Variants in MYOT observed in about 807,000 individuals in gnomAD.
The protein encoded by MYOT is 57 kDa cytoskeletal protein.
Under a neutral mutation model 58.0 loss-of-function variants are expected in MYOT, and 36 were observed. The observed-to-expected ratio is 0.62, with a 90% confidence interval of 0.48 to 0.82. The LOEUF is 0.82. Among genes scored for constraint, MYOT ranks in the 40% least tolerant of loss-of-function variants. MYOT has a pLI of 0.00. For synonymous variants in MYOT, 218 were observed against 204.6 expected, an observed-to-expected ratio of 1.07 and a Z score of -0.56; for missense variants, 505 against 592.1, an observed-to-expected ratio of 0.85 and a Z score of 1.53.
rs1001559945 is a variant in MYOT at position 137,870,586 on chromosome 5, C to T, written c.-66C>T. Reference sequence around the variant, plus strand: ...AGGCTTGTGGCCCCAAATTCAGGGCCCCACCCTTCCAGGAACAAATCATTA... The same window carrying T: ...AGGCTTGTGGCCCCAAATTCAGGGCTCCACCCTTCCAGGAACAAATCATTA... On this transcript the variant is annotated 5_prime_UTR_variant, in exon 2 of 10. Transcript: ENST00000239926. 1.4e-6 allele frequency: 2 copies of T among 1,451,846 alleles called. No individual in the cohort carries two copies. Among genetic ancestry groups the T allele is most frequent in the Non-Finnish European group, 1.9e-6 (2 of 1,032,526 alleles). The allele number at this position is 1,451,846 out of a possible 1,614,324, so 89.9% of individuals were successfully genotyped here.
At chr5:137,877,170 C>T (rs552803788) in intron 3 of MYOT, among the ~76,000 whole-genome samples, 1 of 151,674 alleles carries the variant, frequency 6.6e-6, no homozygotes, top group Admixed American at 6.6e-5. Flanking sequence ...AGATCAAGAC[C>T]ATCCTGGCTG....
rs748726301 is a variant in MYOT, at chr5:137,875,876, A to C, written c.404A>C (p.Gln135Pro). 2.5e-6 allele frequency: 4 copies of C among 1,614,120 alleles called. No individual in the cohort carries two copies. The highest frequency in any genetic ancestry group is 3.4e-6 in the Non-Finnish European group (4 of 1,179,992). Reference protein sequence around the residue: ...AGQPINAKPSQTANAKPIPRT... With the variant: ...AGQPINAKPSPTANAKPIPRT... ...CAACCTATAAATGCAAAGCCATCCC[A>C]AACTGCAAATGCTAAGCCCATACCA... Residue 135 changes from glutamine to proline, a missense_variant, in exon 3 of 10, where the codon CAA (glutamine) becomes CCA (proline). Gln to Pro is a moderately conservative substitution (Grantham distance 76). Coordinates refer to ENST00000239926, the MANE Select transcript of MYOT (RefSeq NM_006790.3).
intron 2 of MYOT, among the ~76,000 whole-genome samples, chr5:137,874,085 G>C (rs537473088): frequency 2.0e-5 from 3 of 152,172 alleles, no homozygotes; most frequent in Non-Finnish European, 4.4e-5. Flanking sequence ...GTCTCATCTG[G>C]ATAGCCAGAG....
At chr5:137,882,166 A>G in intron 6 of MYOT, 61 bp downstream of exon 6, 1 of 1,580,382 alleles carries the variant, frequency 6.3e-7, no homozygotes, top group Non-Finnish European at 8.7e-7. Flanking sequence ...AGTTTTGAAA[A>G]ATGTTCTTTT....
intron 5 of MYOT, 57 bp from the exon 6 acceptor site, chr5:137,881,916 C>T: frequency 6.3e-7 from 1 of 1,589,992 alleles, no homozygotes. Flanking sequence ...TATATTTGTG[C>T]AAAATGAAAA....
At chr5:137,880,778 A>G (rs776296887) in intron 4 of MYOT, 38 bp from the exon 5 acceptor site, 1 of 1,543,746 alleles carries the variant, frequency 6.5e-7, no homozygotes, top group Non-Finnish European at 9.0e-7. Context: ...CAAGCTAACA[A>G]TTGCATGTAA....
rs531198401 is a variant in MYOT at position 137,887,443 on chromosome 5, A to AT, written c.*65dup. ...CACCATTAGTAATATATTTGATTAC[A>AT]TTTTTTTGAAATTAATCCATAGCTG... On this transcript the variant is annotated 3_prime_UTR_variant, in exon 10 of 10. Coordinates refer to ENST00000239926, the MANE Select transcript of MYOT (RefSeq NM_006790.3). 3.6e-4 allele frequency: 563 copies of AT among 1,557,960 alleles called. 3 individuals are homozygous for AT. In the African/African-American group the frequency reaches 6.7e-3, roughly 19 times the overall value.
chr5:137,884,360 T>C (rs897777565), intron 7 of MYOT, among the ~76,000 whole-genome samples: 15 of 152,072 alleles, frequency 9.9e-5, no homozygotes, highest in Middle Eastern at 3.2e-3. Flanking sequence ...TTTAAAAAAA[T>C]TTCTTAAAAA....
Position 137,887,547 on chromosome 5 carries a change from A to G in MYOT, c.*162A>G. The G allele has an allele frequency of 2.2e-6, 1 of 446,276 alleles. No homozygotes were observed. The allele number at this position is 446,276 out of a possible 1,614,324, so 27.6% of individuals were successfully genotyped here. ...ATTATTTATCCTTTGACTCTTGCAC[A>G]TTCTATGTACCCCTCCGATTTGTGA... On this transcript the variant is annotated 3_prime_UTR_variant, in exon 10 of 10. Coordinates refer to ENST00000239926, the MANE Select transcript of MYOT (RefSeq NM_006790.3).
rs1034346969 is a variant in MYOT, at chr5:137,886,940, G to A, written c.1267G>A (p.Val423Met). 2 of 1,611,634 alleles carry A rather than the reference G, an allele frequency of 1.2e-6. No individual in the cohort carries two copies. Residue 423 changes from valine to methionine, a missense_variant, in exon 9 of 10, where the codon GTG becomes ATG. Transcript: ENST00000239926. ...VNKKDAGWYTVSAVNEAGVTT... is the reference protein window; with the variant it reads ...VNKKDAGWYTMSAVNEAGVTT... ...CAAGAAAGATGCTGGGTGGTATACTGTGTCAGCAGTTAATGAAGCTGGAGT... is the reference window on the plus strand; with the variant it reads ...CAAGAAAGATGCTGGGTGGTATACTATGTCAGCAGTTAATGAAGCTGGAGT...
At chr5:137,883,741 C>T in intron 7 of MYOT, 150 bp downstream of exon 7, 1 of 684,796 alleles carries the variant, frequency 1.5e-6, no homozygotes, top group Non-Finnish European at 2.5e-6. Context: ...CTACAAACCA[C>T]AGGAAAAAAT....
intron 4 of MYOT, among the ~76,000 whole-genome samples, chr5:137,878,109 C>CA (rs3836898): frequency 0.023 from 3,487 of 150,136 alleles, 130 homozygotes; most frequent in African/African-American, 0.079. Context: ...TTCTGAAAAC[C>CA]AAAAAAAACC....
chr5:137,868,025 A>C (rs369957266), intron 1 of MYOT, 72 bp downstream of exon 1: 1 of 152,336 alleles, frequency 6.6e-6, no homozygotes, highest in East Asian at 1.9e-4. Context: ...AGATGAGTGT[A>C]TACAAAGATG....
Position 137,867,949 on chromosome 5 carries a change from T to C in MYOT, c.-216T>C, listed in dbSNP as rs1363303874. The C allele has an allele frequency of 6.6e-6, 1 of 152,236 alleles. No individual in the cohort carries two copies. Among genetic ancestry groups the C allele is most frequent in the Non-Finnish European group, 1.5e-5 (1 of 68,048 alleles). 9.4% of individuals were successfully genotyped at this position (152,236 alleles called of 1,614,324 possible). ...AAACCCAGCTGGCACCCTCTGGAAC[T>C]ACGGGTAAGTCCCTTCTTTATTCCT... On this transcript the variant is annotated 5_prime_UTR_variant, in exon 1 of 10. Transcript: ENST00000239926.
intron 3 of MYOT, among the ~76,000 whole-genome samples, chr5:137,876,525 G>C (rs980459752): frequency 2.0e-5 from 3 of 152,174 alleles, no homozygotes; most frequent in African/African-American, 7.2e-5. Flanking sequence ...GTTACTTCTG[G>C]CTGGGTGCAG....
chr5:137,887,586 T>C lies in MYOT; in HGVS notation c.*201T>C, dbSNP rs1033080320. 7.0e-6 allele frequency: 2 copies of C among 287,360 alleles called. No homozygotes were observed. The highest frequency in any genetic ancestry group is 2.2e-5 in the African/African-American group (1 of 44,710). 17.8% of individuals were successfully genotyped at this position (287,360 alleles called of 1,614,324 possible). On this transcript the variant is annotated 3_prime_UTR_variant, in exon 10 of 10. Transcript: ENST00000239926. ...TCCGATTTGTGAAGCCTACAGGAAA[T>C]CTGGGTATATGGATTTGTAACTGCA...
rs1294257369 is a variant in MYOT at position 137,880,823 on chromosome 5, A to C, written c.641A>C (p.Asn214Thr). ...CTTTGTTTTAATTTCAAGCAACACA[A>C]CTCAGAACATGCGCGACTGCAAGTT... is the stretch of plus-strand genomic sequence containing the variant. ...DSGAQDSQQH[N>T]SEHARLQVPT... The change falls in exon 5 of 10, where the codon AAC (asparagine) becomes ACC (threonine). Residue 214 changes from asparagine (N) to threonine (T), a missense_variant. Coordinates refer to ENST00000239926, the MANE Select transcript of MYOT (RefSeq NM_006790.3). 1 of 1,612,690 alleles carries C rather than the reference A, an allele frequency of 6.2e-7. No individual in the cohort carries two copies. The highest frequency in any genetic ancestry group is 1.7e-5 in the Admixed American group (1 of 60,016).
At chr5:137,881,777 A>C (rs1243436467) in intron 5 of MYOT, among the ~76,000 whole-genome samples, 196 bp from the exon 6 acceptor site, 1 of 151,862 alleles carries the variant, frequency 6.6e-6, no homozygotes, top group East Asian at 1.9e-4. Flanking sequence ...GCTCACTGCA[A>C]CCTCCGCCTC....
intron 4 of MYOT, among the ~76,000 whole-genome samples, chr5:137,879,688 C>CTTTT (rs1187720466): frequency 3.2e-5 from 3 of 94,494 alleles, no homozygotes; most frequent in African/African-American, 1.4e-4. Context: ...CCACACCCGG[C>CTTTT]TTTTTTTTTT....
Sources: allele counts gnomAD v4.1 joint callset (sites outside exome capture counted in the v4.1 genomes callset), GRCh38; gene constraint gnomAD v4.1.1; transcripts MANE v1.5; gene names NCBI Gene and HGNC (gene_info 2026-07-23, HGNC 2026-07-21).